Variants in ITSN2 observed in about 807,000 individuals in gnomAD.
The protein encoded by ITSN2 is intersectin 2, also known as intersectin-2.
Under a neutral mutation model 243.7 loss-of-function variants are expected in ITSN2, and 156 were observed. That is an observed-to-expected ratio of 0.64 (90% CI 0.56 to 0.73). ITSN2 has a LOEUF of 0.73. Ranked by LOEUF, ITSN2 falls within the 30% of genes least tolerant of loss-of-function variation. ITSN2 has a pLI of 0.00. For missense variants in ITSN2, 1,801 were observed against 1,996.1 expected, an observed-to-expected ratio of 0.90 and a Z score of 1.86; for synonymous variants, 703 against 699.9, an observed-to-expected ratio of 1.00 and a Z score of -0.07.
intron 1 of ITSN2, chr2:24,330,712 CAGT>C: frequency 1.6e-6 from 1 of 641,970 alleles, no homozygotes; most frequent in Non-Finnish European, 2.8e-6. Flanking sequence ...CTTCTGGTGA[CAGT>C]AGTTTGAAAT....
At chr2:24,278,813 G>A (rs952042744) in intron 17 of ITSN2, among the ~76,000 whole-genome samples, 2 of 151,830 alleles carry the variant, frequency 1.3e-5, no homozygotes, top group Admixed American at 6.6e-5. Context: ...CACCACGCCC[G>A]GCTAATTTTT....
intron 5 of ITSN2, chr2:24,311,601 C>G (rs1683267330): frequency 6.0e-6 from 1 of 167,088 alleles, no homozygotes. Context: ...GATACATAGA[C>G]ATACCTAATT....
chr2:24,325,449 G>A (rs572206909), intron 2 of ITSN2, among the ~76,000 whole-genome samples: 2 of 152,150 alleles, frequency 1.3e-5, no homozygotes, highest in East Asian at 1.9e-4. Flanking sequence ...TGGGCAATAC[G>A]TGTAATTCAA....
At chr2:24,318,047 C>T (rs777086677) in intron 2 of ITSN2, among the ~76,000 whole-genome samples, 1 of 152,178 alleles carries the variant, frequency 6.6e-6, no homozygotes, top group Non-Finnish European at 1.5e-5. Flanking sequence ...GACACATAGT[C>T]CCTCCCATTA....
chr2:24,204,493 C>T lies in ITSN2; in HGVS notation c.4763-75G>A, dbSNP rs1668637597. 2 of 1,338,264 alleles carry T rather than the reference C, an allele frequency of 1.5e-6. No homozygotes were observed. The highest frequency in any genetic ancestry group is 1.1e-6 in the Non-Finnish European group (1 of 930,148). The allele number at this position is 1,338,264 out of a possible 1,614,324, so 82.9% of individuals were successfully genotyped here. A position where few individuals can be genotyped will look rare whatever the true frequency, so the allele number is the denominator to read the frequency against. ...AGCGACTGACAGTGCCCTCCCTGAG[C>T]AGAAGCAGGATTCCAATAATGGGTC... On this transcript the variant is annotated intron_variant, in intron 38 of 39. Transcript: ENST00000355123. The surrounding 1 kb of genome is among the most constrained non-coding windows in gnomAD (Gnocchi z 5.1).
chr2:24,359,244 G>A (rs565904668), intron 1 of ITSN2, among the ~76,000 whole-genome samples: 1 of 152,122 alleles, frequency 6.6e-6, no homozygotes, highest in Non-Finnish European at 1.5e-5. Flanking sequence ...AGGGAGAGAG[G>A]CAATTTTTCG....
At chr2:24,286,164 A>C in intron 16 of ITSN2, 48 bp downstream of exon 16, 2 of 1,087,542 alleles carry the variant, frequency 1.8e-6, no homozygotes, top group Non-Finnish European at 2.7e-6. Flanking sequence ...AAAATAATGA[A>C]GGTAAGAAGG....
intron 2 of ITSN2, among the ~76,000 whole-genome samples, chr2:24,316,399 G>C (rs1683934819): frequency 6.6e-6 from 1 of 152,112 alleles, no homozygotes; most frequent in African/African-American, 2.4e-5. Context: ...TCCTGCCTCA[G>C]CCTCCCAAGT....
chr2:24,256,211 G>A (rs553770794), intron 23 of ITSN2, among the ~76,000 whole-genome samples: 28 of 152,296 alleles, frequency 1.8e-4, no homozygotes, highest in African/African-American at 5.1e-4. Flanking sequence ...CCGAAAGAGC[G>A]AGACTCCATC....
At chr2:24,328,616 C>T (rs1685428450) in intron 1 of ITSN2, among the ~76,000 whole-genome samples, 1 of 152,082 alleles carries the variant, frequency 6.6e-6, no homozygotes, top group African/African-American at 2.4e-5. Context: ...GAATGCTCCA[C>T]CACACCTGGC....
intron 29 of ITSN2, among the ~76,000 whole-genome samples, chr2:24,224,727 G>A (rs1418811320): frequency 1.3e-5 from 2 of 151,808 alleles, no homozygotes; most frequent in East Asian, 1.9e-4. Context: ...TCCGCCTCCC[G>A]GGTTCAAGCG....
At chr2:24,360,992 G>A (rs72787383), upstream of ITSN2, among the ~76,000 whole-genome samples, 27,251 of 152,226 alleles carry the variant, frequency 0.18, 3,106 homozygotes, top group Non-Finnish European at 0.26. Context: ...GGGGGTGGAA[G>A]GTGGGAAGGA....
chr2:24,293,847 A>C (rs143310992), intron 14 of ITSN2, 72 bp from the exon 15 acceptor site: 5 of 486,560 alleles, frequency 1.0e-5, no homozygotes, highest in African/African-American at 8.0e-5. Flanking sequence ...TGAAAACTTT[A>C]AAACAGGATT....
rs923484978 is a variant in ITSN2 at position 24,205,465 on chromosome 2, C to T, written c.4679-168G>A. 11 of 578,866 alleles carry T rather than the reference C, an allele frequency of 1.9e-5. No individual in the cohort carries two copies. The Admixed American group carries it at 3.1e-4, about 16-fold the overall frequency. 35.9% of individuals were successfully genotyped at this position (578,866 alleles called of 1,614,324 possible). ...GCCTTTCCCCAGGCTGTGTTGCCTG[C>T]TAGGAAGCCCCTGCTTGCTCTTTCT... On this transcript the variant is annotated intron_variant, in intron 37 of 39. Coordinates refer to ENST00000355123, the MANE Select transcript of ITSN2 (RefSeq NM_006277.3).
chr2:24,239,620 C>G (rs1672515819), intron 29 of ITSN2: 1 of 152,048 alleles, frequency 6.6e-6, no homozygotes, highest in Admixed American at 6.6e-5. Context: ...TACAGAAATT[C>G]AAATTTATTC....
intron 2 of ITSN2, chr2:24,321,946 A>G (rs895860123): frequency 6.6e-6 from 1 of 152,308 alleles, no homozygotes; most frequent in Middle Eastern, 3.4e-3. Flanking sequence ...CCATGGTAAT[A>G]AAGTAACTTG....
intron 8 of ITSN2, among the ~76,000 whole-genome samples, chr2:24,306,617 T>C (rs922908077): frequency 6.6e-6 from 1 of 152,188 alleles, no homozygotes; most frequent in Non-Finnish European, 1.5e-5. Context: ...AACATTTAGG[T>C]TGTGAACATT....
chr2:24,298,793 GTT>G lies in ITSN2; in HGVS notation c.1364_1365del (p.Glu455AlafsTer21), dbSNP rs1430799088. ...ERREAAKQEL[E>X]RQRRLEWERI... ...CTCTCCCATTCTAAGCGACGTTGTC[GTT>G]CAAGTTCCTGTTTTGCTGCCTGAAA... On this transcript the variant is annotated frameshift_variant, in exon 13 of 40. Transcript: ENST00000355123. LOFTEE classifies it high-confidence loss of function. 1.3e-6 allele frequency: 2 copies of G among 1,596,030 alleles called. No individual in the cohort carries two copies. Among genetic ancestry groups the G allele is most frequent in the Non-Finnish European group, 1.7e-6 (2 of 1,174,664 alleles).
chr2:24,259,609 ATAT>A, intron 22 of ITSN2, among the ~76,000 whole-genome samples: 2 of 152,324 alleles, frequency 1.3e-5, no homozygotes, highest in Middle Eastern at 6.8e-3. Flanking sequence ...TATTCCAGCC[ATAT>A]TATTAACAAT....
Sources: allele counts gnomAD v4.1 joint callset (sites outside exome capture counted in the v4.1 genomes callset), GRCh38; gene constraint gnomAD v4.1.1; non-coding constraint Gnocchi (gnomAD v3.1); transcripts MANE v1.5; gene names NCBI Gene and HGNC (gene_info 2026-07-23, HGNC 2026-07-21).